DPP6: variants seen among roughly 807,000 people sequenced by gnomAD.
DPP6 encodes dipeptidyl peptidase like 6.
In DPP6, 69 loss-of-function variants were observed where a neutral mutation model predicts 122.6. The ratio of observed to expected loss-of-function variants is 0.56; its 90% confidence interval spans 0.46 to 0.69. The LOEUF is 0.69. Ranked by LOEUF, DPP6 falls within the 30% of genes least tolerant of loss-of-function variation. DPP6 has a pLI of 0.00. For synonymous variants in DPP6, 418 were observed against 433.1 expected, an observed-to-expected ratio of 0.97 and a Z score of 0.43; for missense variants, 928 against 1,116.9, an observed-to-expected ratio of 0.83 and a Z score of 2.41.
At chr7:154,671,156 A>AAATCTGAATTTAGGACTGAATTTTAGG (rs1227239403) in intron 7 of DPP6, among the ~76,000 whole-genome samples, 1 of 152,224 alleles carries the variant, frequency 6.6e-6, no homozygotes, top group African/African-American at 2.4e-5. Context: ...ACTGATGCGC[A>AAATCTGAATTTAGGACTGAATTTTAGG]ACTGAATCTC....
chr7:154,053,115 C>A, intron 1 of DPP6, 52 bp downstream of exon 1: 1 of 1,045,602 alleles, frequency 9.6e-7, no homozygotes, highest in Non-Finnish European at 1.2e-6. Context: ...GGGCTGAGCG[C>A]GCAGCGAGAC....
chr7:154,143,712 T>A (rs1232784192), intron 1 of DPP6, among the ~76,000 whole-genome samples: 2 of 151,514 alleles, frequency 1.3e-5, no homozygotes, highest in East Asian at 3.9e-4. Context: ...CTGCTTTGCA[T>A]AGAAATAAAT....
chr7:154,185,511 A>T (rs959702202), intron 1 of DPP6, among the ~76,000 whole-genome samples: 1 of 152,204 alleles, frequency 6.6e-6, no homozygotes, highest in Non-Finnish European at 1.5e-5. Context: ...GATCCCTCAC[A>T]CTTGTAATGC....
At chr7:153,825,994 A>G in the DPP6 span, among the ~76,000 whole-genome samples, 1 of 152,212 alleles carries the variant, frequency 6.6e-6, no homozygotes, top group East Asian at 1.9e-4. Flanking sequence ...GTAAATTGTT[A>G]AGCATGCTTG....
At chr7:154,059,764 G>T (rs1336240982) in intron 1 of DPP6, among the ~76,000 whole-genome samples, 1 of 151,286 alleles carries the variant, frequency 6.6e-6, no homozygotes, top group Non-Finnish European at 1.5e-5. Context: ...AGAGAGAAAA[G>T]ATGGCAGCTG....
chr7:154,528,125 C>A (rs1019118419), intron 3 of DPP6, among the ~76,000 whole-genome samples: 1 of 152,066 alleles, frequency 6.6e-6, no homozygotes, highest in African/African-American at 2.4e-5. Context: ...ATTTTAAATG[C>A]AAAGCACTAG....
At chr7:154,013,954 T>C (rs3852283) in intron 1 of DPP6, among the ~76,000 whole-genome samples, 17 of 151,464 alleles carry the variant, frequency 1.1e-4, no homozygotes, top group African/African-American at 3.7e-4. Context: ...TTCTTTCCTC[T>C]CTCCCCTTTG....
At chr7:154,744,598 C>T (rs1842956573) in intron 8 of DPP6, among the ~76,000 whole-genome samples, 1 of 152,222 alleles carries the variant, frequency 6.6e-6, no homozygotes, top group African/African-American at 2.4e-5. Flanking sequence ...GCTCCATTTG[C>T]CTTCTGGCTT....
chr7:153,782,665 A>G, the DPP6 span, among the ~76,000 whole-genome samples: 1 of 152,206 alleles, frequency 6.6e-6, no homozygotes, highest in Admixed American at 6.5e-5. Flanking sequence ...AAAGAAGGGT[A>G]AGAAAAAAAG....
At chr7:154,581,783 T>C (rs1488658340) in intron 5 of DPP6, among the ~76,000 whole-genome samples, 2 of 152,222 alleles carry the variant, frequency 1.3e-5, no homozygotes, top group Non-Finnish European at 2.9e-5. Flanking sequence ...AAGGTTGGCT[T>C]GTGTATTGTG....
At chr7:154,460,271 C>G (rs888677816) in intron 2 of DPP6, among the ~76,000 whole-genome samples, 1 of 152,180 alleles carries the variant, frequency 6.6e-6, no homozygotes, top group Admixed American at 6.5e-5. Context: ...CATGAGCCAC[C>G]GTGCCTGGCC....
intron 9 of DPP6, among the ~76,000 whole-genome samples, chr7:154,772,474 T>G (rs1445344267): frequency 1.3e-5 from 2 of 152,130 alleles, no homozygotes; most frequent in East Asian, 3.9e-4. Flanking sequence ...CGCTCCTCAA[T>G]GTCCATCATT....
At chr7:154,842,171 C>G (rs1463012888) in intron 16 of DPP6, among the ~76,000 whole-genome samples, 1 of 152,224 alleles carries the variant, frequency 6.6e-6, no homozygotes, top group East Asian at 1.9e-4. Context: ...TCGGCCAGAG[C>G]CTGCCTCTGC....
At position 154,760,533 on chromosome 7, in the gene DPP6, C is replaced by G. The variant is rs1795471393; in HGVS notation, c.884-8884C>G. On this transcript the variant is annotated intron_variant, in intron 8 of 25. Coordinates refer to ENST00000377770, the MANE Select transcript of DPP6 (RefSeq NM_130797.4). This position sits in a 1 kb window ranked among gnomAD's most constrained non-coding sequence, Gnocchi z 4.5. Reference sequence around the variant, plus strand: ...CTGCGAGCTCAAGAACTTCTGTTAGCCATTCGTTTCTTTAACTCTTTGAGG... The same window carrying G: ...CTGCGAGCTCAAGAACTTCTGTTAGGCATTCGTTTCTTTAACTCTTTGAGG... Among the ~76,000 whole-genome samples, 1 of 152,130 alleles carries G rather than the reference C, an allele frequency of 6.6e-6. No homozygotes were observed. Among genetic ancestry groups the G allele is most frequent in the Admixed American group, 6.5e-5 (1 of 15,274 alleles).
chr7:154,348,962 G>T (rs1180249273), intron 1 of DPP6, among the ~76,000 whole-genome samples: 1 of 152,134 alleles, frequency 6.6e-6, no homozygotes, highest in African/African-American at 2.4e-5. Flanking sequence ...AACACAAGTT[G>T]CCTGTTCTCT....
At chr7:153,817,540 A>C in the DPP6 span, among the ~76,000 whole-genome samples, 2 of 151,830 alleles carry the variant, frequency 1.3e-5, no homozygotes, top group African/African-American at 4.8e-5. Context: ...ACTGTATTGC[A>C]TTTAAAAACG....
At chr7:154,094,948 G>A in intron 1 of DPP6, 1 of 152,214 alleles carries the variant, frequency 6.6e-6, no homozygotes. Flanking sequence ...ACATCTTCCT[G>A]GGACTTCCTG....
chr7:154,885,440 A>T, intron 21 of DPP6, 193 bp from the exon 22 acceptor site: 1 of 709,074 alleles, frequency 1.4e-6, no homozygotes, highest in Non-Finnish European at 2.2e-6. Flanking sequence ...ACGTCGCATA[A>T]TGCTGAGTTG....
intron 1 of DPP6, among the ~76,000 whole-genome samples, chr7:154,293,870 T>C (rs1343613510): frequency 1.3e-5 from 2 of 152,174 alleles, no homozygotes; most frequent in Non-Finnish European, 2.9e-5. Context: ...AAAAGTTCTC[T>C]CCCTGATACA....
Sources: gnomAD v4.1 joint callset for allele counts (sites outside exome capture counted in the v4.1 genomes callset) on GRCh38, gnomAD v4.1.1 for gene constraint, Gnocchi (gnomAD v3.1) non-coding constraint, MANE v1.5 for transcripts, NCBI Gene and HGNC (gene_info 2026-07-23, HGNC 2026-07-21) for gene names.